ROBO1: variants seen among roughly 807,000 people sequenced by gnomAD.
The protein encoded by ROBO1 is roundabout guidance receptor 1, also known as roundabout homolog 1.
ROBO1 carries 149 observed loss-of-function variants against 195.9 expected under a neutral mutation model. That is an observed-to-expected ratio of 0.76 (90% CI 0.67 to 0.87). ROBO1 has a LOEUF of 0.87. Among genes scored for constraint, ROBO1 ranks in the 40% least tolerant of loss-of-function variants. The probability of loss-of-function intolerance (pLI) is 0.00; values close to 1 mark genes in which losing one functional copy is unlikely to be tolerated. For missense variants in ROBO1, 1,933 were observed against 2,068.3 expected, an observed-to-expected ratio of 0.93 and a Z score of 1.27; for synonymous variants, 816 against 733.2, an observed-to-expected ratio of 1.11 and a Z score of -1.82.
At chr3:79,008,305 T>C (rs183858014) in intron 3 of ROBO1, among the ~76,000 whole-genome samples, 1 of 152,304 alleles carries the variant, frequency 6.6e-6, no homozygotes, top group Admixed American at 6.5e-5. Flanking sequence ...CAGGTATGCC[T>C]GAAACATTCC....
intron 3 of ROBO1, among the ~76,000 whole-genome samples, chr3:79,042,831 T>C (rs1450610741): frequency 2.0e-5 from 3 of 152,148 alleles, no homozygotes; most frequent in African/African-American, 4.8e-5. Flanking sequence ...GAAATAAAAT[T>C]CTATAATAAA....
chr3:78,756,312 T>A (rs771452996), intron 4 of ROBO1, among the ~76,000 whole-genome samples: 2 of 152,018 alleles, frequency 1.3e-5, no homozygotes, highest in Non-Finnish European at 2.9e-5. Context: ...CAATAACATA[T>A]TAAATCAATA....
chr3:78,949,872 A>C (rs2040676032), intron 3 of ROBO1, among the ~76,000 whole-genome samples: 1 of 152,230 alleles, frequency 6.6e-6, no homozygotes, highest in Non-Finnish European at 1.5e-5. Flanking sequence ...GACACTTCTC[A>C]AAAGAAGACA....
intron 3 of ROBO1, chr3:79,019,552 C>A (rs926471123): frequency 6.1e-6 from 6 of 985,694 alleles, no homozygotes; most frequent in Non-Finnish European, 7.2e-6. Context: ...GTGGTCCTTT[C>A]CATGCTTCAC....
intron 2 of ROBO1, among the ~76,000 whole-genome samples, chr3:79,282,069 G>T (rs778561991): frequency 6.6e-6 from 1 of 152,158 alleles, no homozygotes; most frequent in African/African-American, 2.4e-5. Context: ...GTGGTCTACA[G>T]GTAGGGACAG....
chr3:79,320,492 T>A (rs1324803664), intron 2 of ROBO1, among the ~76,000 whole-genome samples: 1 of 152,122 alleles, frequency 6.6e-6, no homozygotes, highest in Non-Finnish European at 1.5e-5. Flanking sequence ...CATGCCCAGC[T>A]AATTTTTGTA....
intron 2 of ROBO1, among the ~76,000 whole-genome samples, chr3:79,364,240 A>ATATG (rs1456297281): frequency 1.6e-4 from 23 of 146,994 alleles, no homozygotes; most frequent in African/African-American, 5.7e-4. Context: ...GTGTGTGTAT[A>ATATG]TATATATATA....
At chr3:78,960,795 CA>C (rs1560051791) in intron 3 of ROBO1, among the ~76,000 whole-genome samples, 2 of 141,806 alleles carry the variant, frequency 1.4e-5, no homozygotes, top group Non-Finnish European at 3.1e-5. Flanking sequence ...CACACACACA[CA>C]CACACACACA....
chr3:78,665,189 CACATT>C lies in ROBO1; in HGVS notation c.1966+2689_1966+2693del, dbSNP rs1217085400. Among the ~76,000 whole-genome samples the C allele has an allele frequency of 2.0e-5, 3 of 152,194 alleles. No homozygotes were observed. The East Asian group carries it at 5.8e-4, about 29-fold the overall frequency. On this transcript the variant is annotated intron_variant, in intron 14 of 30. Transcript: ENST00000464233. ...CTGAAAATGTAGTCTCCAGAACAAA[CACATT>C]ACTCCATTCATGAACTGAATAGTTC...
chr3:79,466,243 G>A (rs2107291722), intron 2 of ROBO1, among the ~76,000 whole-genome samples: 1 of 152,170 alleles, frequency 6.6e-6, no homozygotes, highest in Non-Finnish European at 1.5e-5. Flanking sequence ...ATAATGTATG[G>A]CTTCCTTTAA....
intron 4 of ROBO1, among the ~76,000 whole-genome samples, chr3:78,883,764 C>T (rs1221665265): frequency 6.6e-6 from 1 of 152,000 alleles, no homozygotes; most frequent in Non-Finnish European, 1.5e-5. Flanking sequence ...GCTCAAGAGT[C>T]CAATATCCAT....
chr3:79,031,020 C>A (rs1290193084), intron 3 of ROBO1, among the ~76,000 whole-genome samples: 3 of 152,186 alleles, frequency 2.0e-5, no homozygotes, highest in Admixed American at 6.5e-5. Context: ...CCATGCCCGG[C>A]CCCAATATGT....
intron 4 of ROBO1, among the ~76,000 whole-genome samples, chr3:78,866,782 T>G (rs1489900427): frequency 6.6e-6 from 1 of 152,204 alleles, no homozygotes; most frequent in Non-Finnish European, 1.5e-5. Context: ...AGGCTCTGTC[T>G]ATATTGCATT....
intron 26 of ROBO1, 34 bp from the exon 27 acceptor site, chr3:78,618,075 C>A: frequency 6.4e-7 from 1 of 1,552,518 alleles, no homozygotes; most frequent in Non-Finnish European, 8.7e-7. Flanking sequence ...TCTGGCTCAG[C>A]TTGTTATTTA....
intron 1 of ROBO1, among the ~76,000 whole-genome samples, chr3:79,624,858 A>G (rs555754827): frequency 1.3e-5 from 2 of 152,338 alleles, no homozygotes; most frequent in African/African-American, 2.4e-5. Flanking sequence ...CCTGGTAGAC[A>G]TCTACAGAAC....
chr3:79,610,029 T>G (rs1944607340), intron 1 of ROBO1, among the ~76,000 whole-genome samples: 1 of 151,928 alleles, frequency 6.6e-6, no homozygotes, highest in South Asian at 2.1e-4. Flanking sequence ...TTATCAGTAT[T>G]CTAAAATTAT....
intron 2 of ROBO1, among the ~76,000 whole-genome samples, chr3:79,560,239 T>G (rs1942860917): frequency 1.3e-5 from 2 of 151,540 alleles, no homozygotes; most frequent in Non-Finnish European, 2.9e-5. Context: ...TGTAGGGACA[T>G]GGATGAAATT....
At chr3:79,712,056 T>C (rs945560502) in intron 1 of ROBO1, among the ~76,000 whole-genome samples, 17 of 152,094 alleles carry the variant, frequency 1.1e-4, no homozygotes, top group African/African-American at 4.1e-4. Context: ...CTTTCTGGCC[T>C]CCCTATTCCC....
Position 78,670,098 on chromosome 3 carries a change from T to C in ROBO1, c.1546A>G (p.Lys516Glu), listed in dbSNP as rs748809680. ...CGCAAGGTGCCATTCCAAGTTACCT[T>C]AGCATATCGGATCTGCAGTACTCCA... is the stretch of plus-strand genomic sequence containing the variant. ...ENGVLQIRYA[K>E]LGDTGRYTCI... The change falls in exon 11 of 31, where the codon AAG becomes GAG. Residue 516 changes from lysine to glutamate, a missense_variant and splice_region_variant. Lys to Glu is a moderately conservative substitution (Grantham distance 56). Around this residue, in one of 3 missense-constraint regions of ROBO1, gnomAD observed 1,737 missense variants for 1,882.5 expected, o/e 0.92. Coordinates refer to ENST00000464233, the MANE Select transcript of ROBO1 (RefSeq NM_002941.4). The C allele has an allele frequency of 1.0e-5, 16 of 1,598,898 alleles. No homozygotes were observed. In the South Asian group the frequency reaches 1.8e-4, roughly 18 times the overall value.
Sources: gnomAD v4.1 joint callset for allele counts (sites outside exome capture counted in the v4.1 genomes callset) on GRCh38, gnomAD v4.1.1 for gene constraint, gnomAD v4.1.1 regional missense constraint, MANE v1.5 for transcripts, NCBI Gene and HGNC (gene_info 2026-07-23, HGNC 2026-07-21) for gene names.